MYT1L: variants seen among roughly 807,000 people sequenced by gnomAD.
The protein encoded by MYT1L is myelin transcription factor 1 like, also known as myelin transcription factor 1-like protein.
Under a neutral mutation model 126.7 loss-of-function variants are expected in MYT1L, and 12 were observed. The ratio of observed to expected loss-of-function variants is 0.09; its 90% confidence interval spans 0.06 to 0.15. The LOEUF (loss-of-function observed/expected upper bound fraction) is 0.15. Among genes scored for constraint, MYT1L ranks in the 10% least tolerant of loss-of-function variants. The pLI is 1.00. For synonymous variants in MYT1L, 541 were observed against 604.2 expected (o/e 0.90, Z 1.53); for missense variants, 979 against 1,585.2 (o/e 0.62, Z 6.49).
At chr2:1,824,747 G>C (rs1263702313) in intron 21 of MYT1L, 3 of 151,450 alleles carry the variant, frequency 2.0e-5, no homozygotes, top group African/African-American at 7.4e-5. Flanking sequence ...GGAGAGAGAG[G>C]GGGAGGACTC....
intron 1 of MYT1L, among the ~76,000 whole-genome samples, chr2:2,286,096 C>G (rs1481805612): frequency 1.3e-5 from 2 of 152,174 alleles, no homozygotes; most frequent in Non-Finnish European, 1.5e-5. Context: ...GATACTCCTG[C>G]CTCAGCCTTG....
intron 2 of MYT1L, among the ~76,000 whole-genome samples, chr2:2,241,222 T>G (rs548592160): frequency 6.6e-6 from 1 of 152,284 alleles, no homozygotes; most frequent in Non-Finnish European, 1.5e-5. Context: ...TAAAAATGTG[T>G]GCTCTTAAAA....
In MYT1L at chr2:1,812,235, G is replaced by A. The variant is rs532803675; in HGVS notation, c.3081-3068C>T. Among the ~76,000 whole-genome samples the A allele has an allele frequency of 2.0e-5, 3 of 152,312 alleles. No individual in the cohort carries two copies. In the South Asian group the frequency reaches 6.2e-4, roughly 32 times the overall value. ...GATGCTCTAACGCACATAAGACGTGGAACTGGCTAGGAAAGACTTAGGCAG... is the reference window on the plus strand; with the variant it reads ...GATGCTCTAACGCACATAAGACGTGAAACTGGCTAGGAAAGACTTAGGCAG... On this transcript the variant is annotated intron_variant, in intron 21 of 24. Transcript: ENST00000647738.
At chr2:1,892,506 C>CTT (rs5828877) in intron 14 of MYT1L, among the ~76,000 whole-genome samples, 5,607 of 134,226 alleles carry the variant, frequency 0.042, 169 homozygotes, top group East Asian at 0.062. Context: ...TTCCTTTTTC[C>CTT]TTTTTTTTTT....
chr2:1,917,092 T>A lies in MYT1L; in HGVS notation c.1618+113A>T. 1 of 1,339,404 alleles carries A rather than the reference T, an allele frequency of 7.5e-7. No homozygotes were observed. The highest frequency in any genetic ancestry group is 1.0e-6 in the Non-Finnish European group (1 of 987,836). 83.0% of individuals were successfully genotyped at this position (1,339,404 alleles called of 1,614,324 possible). ...CCATCAAGTTAAGTAGGGGCCTAGTTAAATCAGGTCGCACCGAGCCGTACA... is the reference window on the plus strand; with the variant it reads ...CCATCAAGTTAAGTAGGGGCCTAGTAAAATCAGGTCGCACCGAGCCGTACA... On this transcript the variant is annotated intron_variant, in intron 11 of 24. Transcript: ENST00000647738. This position sits in a 1 kb window ranked among gnomAD's most constrained non-coding sequence, Gnocchi z 5.9.
chr2:2,123,777 T>G lies in MYT1L; in HGVS notation c.-304+49095A>C, dbSNP rs566488667. On this transcript the variant is annotated intron_variant, in intron 3 of 24. Transcript: ENST00000647738. ...AACAGACTAATACAGGAAGATGATCTTGGATAGTGGAGGGCCCAGTGTCAG... is the reference window on the plus strand; with the variant it reads ...AACAGACTAATACAGGAAGATGATCGTGGATAGTGGAGGGCCCAGTGTCAG... Among the ~76,000 whole-genome samples the G allele has an allele frequency of 1.8e-4, 27 of 152,338 alleles. No individual in the cohort carries two copies. The South Asian group carries it at 5.4e-3, about 30-fold the overall frequency.
At chr2:2,194,021 A>G (rs888335798) in intron 2 of MYT1L, among the ~76,000 whole-genome samples, 10 of 152,018 alleles carry the variant, frequency 6.6e-5, no homozygotes, top group African/African-American at 2.2e-4. Context: ...TTATTTATTA[A>G]TGTTTCCTCA....
chr2:2,168,736 T>G (rs972467850), intron 3 of MYT1L, among the ~76,000 whole-genome samples: 13 of 152,100 alleles, frequency 8.5e-5, no homozygotes, highest in African/African-American at 3.1e-4. Flanking sequence ...TTACTCCAAA[T>G]CCAGAATCAG....
In MYT1L at chr2:1,889,402, A is replaced by AGCAGCT; in HGVS notation, c.2353_2358dup (p.Ser785_Cys786dup). On this transcript the variant is annotated inframe_insertion, in exon 16 of 25. Coordinates refer to ENST00000647738, the MANE Select transcript of MYT1L (RefSeq NM_001303052.2). This position sits in a 1 kb window ranked among gnomAD's most constrained non-coding sequence, Gnocchi z 4.1. The stretch of plus-strand genomic sequence containing the variant: ...GGCTCCAGAGGGGTCAGGATGGGGC[A>AGCAGCT]GCAGCTGTCCCGCGGCCTCTGCTTG... The AGCAGCT allele has an allele frequency of 6.2e-7, 1 of 1,613,930 alleles. No homozygotes were observed. Among genetic ancestry groups the AGCAGCT allele is most frequent in the Non-Finnish European group, 8.5e-7 (1 of 1,179,888 alleles).
At chr2:2,158,919 G>A (rs553643973) in intron 3 of MYT1L, among the ~76,000 whole-genome samples, 95 of 152,278 alleles carry the variant, frequency 6.2e-4, no homozygotes, top group East Asian at 2.1e-3. Flanking sequence ...CCAGGGCCTC[G>A]TGCCATTTGC....
chr2:1,934,701 T>A (rs879816597), intron 9 of MYT1L, among the ~76,000 whole-genome samples: 1 of 101,104 alleles, frequency 9.9e-6, no homozygotes, highest in East Asian at 2.6e-4. Flanking sequence ...CTCTCTCTCT[T>A]CCCCCTACCC....
At position 2,054,864 on chromosome 2, in the gene MYT1L, GTGAGAAGCATGAAGA is replaced by G. The variant is rs2069294368; in HGVS notation, c.-303-756_-303-742del. Among the ~76,000 whole-genome samples the G allele has an allele frequency of 5.3e-5, 8 of 150,740 alleles. No homozygotes were observed. The South Asian group carries it at 1.7e-3, about 32-fold the overall frequency. On this transcript the variant is annotated intron_variant, in intron 3 of 24. Transcript: ENST00000647738. ...AGGTATGGAGATGAGGTGCATGGAG[GTGAGAAGCATGAAGA>G]TGAGACACATGGAGATGGTGAGATG...
chr2:2,075,352 C>T (rs2075096791), intron 3 of MYT1L, among the ~76,000 whole-genome samples: 1 of 152,118 alleles, frequency 6.6e-6, no homozygotes, highest in South Asian at 2.1e-4. Context: ...GGAAGATGTA[C>T]CACACACATC....
chr2:2,185,977 C>A (rs1428644356), intron 2 of MYT1L, among the ~76,000 whole-genome samples: 6 of 96,662 alleles, frequency 6.2e-5, no homozygotes, highest in East Asian at 3.2e-4. Flanking sequence ...CGCGTTCCTT[C>A]CTTGAGGGGG....
At position 1,912,111 on chromosome 2, in the gene MYT1L, C is replaced by A; in HGVS notation, c.1619-1G>T. 2 of 1,570,266 alleles carry A rather than the reference C, an allele frequency of 1.3e-6. No homozygotes were observed. The highest frequency in any genetic ancestry group is 1.3e-5 in the African/African-American group (1 of 74,322). The stretch of plus-strand genomic sequence containing the variant: ...AGGACACTTTCATGCATGGCAAGGA[C>A]TTGACAGGGAGAGGCAAAGAGAACA... On this transcript the variant is annotated splice_acceptor_variant, in intron 11 of 24. Coordinates refer to ENST00000647738, the MANE Select transcript of MYT1L (RefSeq NM_001303052.2). LOFTEE classifies it high-confidence loss of function. This position sits in a 1 kb window ranked among gnomAD's most constrained non-coding sequence, Gnocchi z 4.3.
intron 2 of MYT1L, among the ~76,000 whole-genome samples, chr2:2,255,052 G>C (rs2094769182): frequency 6.6e-6 from 1 of 152,162 alleles, no homozygotes; most frequent in South Asian, 2.1e-4. Flanking sequence ...TAAAAGACAT[G>C]TGAATGTTTA....
intron 4 of MYT1L, among the ~76,000 whole-genome samples, chr2:2,026,559 G>A (rs920130928): frequency 6.6e-6 from 1 of 152,224 alleles, no homozygotes; most frequent in East Asian, 1.9e-4. Flanking sequence ...AGCTCAGTGC[G>A]TTAGTAAGAA....
At chr2:2,322,359 A>G (rs1000677191) in intron 1 of MYT1L, among the ~76,000 whole-genome samples, 6 of 152,172 alleles carry the variant, frequency 3.9e-5, no homozygotes, top group African/African-American at 9.7e-5. Flanking sequence ...AAATTTTGCC[A>G]TGAAAGGCTG....
intron 18 of MYT1L, among the ~76,000 whole-genome samples, chr2:1,884,728 G>A (rs768612375): frequency 9.2e-5 from 14 of 152,162 alleles, no homozygotes; most frequent in Non-Finnish European, 8.8e-5. Flanking sequence ...GTGGCTTTTC[G>A]ATCAACCAAA....
Sources: gnomAD v4.1 joint callset for allele counts (sites outside exome capture counted in the v4.1 genomes callset) on GRCh38, gnomAD v4.1.1 for gene constraint, Gnocchi (gnomAD v3.1) non-coding constraint, MANE v1.5 for transcripts, NCBI Gene and HGNC (gene_info 2026-07-23, HGNC 2026-07-21) for gene names.